The following C2CD2 variants were observed in gnomAD, a reference collection of about 807,000 sequenced individuals.
C2CD2 encodes C2 calcium dependent domain containing 2.
Under a neutral mutation model 74.3 loss-of-function variants are expected in C2CD2, and 43 were observed. The ratio of observed to expected loss-of-function variants is 0.58; its 90% CI spans 0.45 to 0.75. The LOEUF (loss-of-function observed/expected upper bound fraction) is 0.75, where lower values mean the gene tolerates loss of function less well. Among genes scored for constraint, C2CD2 ranks in the 30% least tolerant of loss-of-function variants. The pLI is 0.00. For synonymous variants in C2CD2, 422 were observed against 390.7 expected, an observed-to-expected ratio of 1.08 and a Z score of -0.94; for missense variants, 801 against 916.3, an observed-to-expected ratio of 0.87 and a Z score of 1.63.
intron 8 of C2CD2, chr21:41,908,364 T>C (rs2064989972): frequency 6.5e-6 from 1 of 152,908 alleles, no homozygotes; most frequent in African/African-American, 2.4e-5. Context: ...GAGTAAAGGT[T>C]ATGTGGCTGT....
At chr21:41,901,072 G>A (rs990504781) in intron 12 of C2CD2, 1 of 155,904 alleles carries the variant, frequency 6.4e-6, no homozygotes, top group Non-Finnish European at 1.4e-5. Context: ...CTTCACCTGA[G>A]GGGCTGGCCT....
At chr21:41,909,123 GTTTTGT>G (rs921843589) in intron 8 of C2CD2, among the ~76,000 whole-genome samples, 2 of 152,146 alleles carry the variant, frequency 1.3e-5, no homozygotes, top group African/African-American at 2.4e-5. Flanking sequence ...CAGTTAAAAG[GTTTTGT>G]TTTTGTTTTT....
chr21:41,902,260 C>A (rs1162438249), intron 11 of C2CD2, among the ~76,000 whole-genome samples: 2 of 152,168 alleles, frequency 1.3e-5, no homozygotes, highest in African/African-American at 4.8e-5. Context: ...CTCCTTTTCC[C>A]TCCCAAGAGT....
intron 10 of C2CD2, 28 bp downstream of exon 10, chr21:41,906,964 T>C (rs1013817331): frequency 8.1e-6 from 13 of 1,595,754 alleles, no homozygotes; most frequent in African/African-American, 8.1e-5. Context: ...ATGCAGAAAG[T>C]TCCTCGACTG....
chr21:41,918,285 A>G (rs1026930154), intron 4 of C2CD2, 58 bp from the exon 5 acceptor site: 3 of 1,585,322 alleles, frequency 1.9e-6, no homozygotes, highest in East Asian at 2.2e-5. Context: ...CCTGCTCCCA[A>G]TCTCACGTCT....
chr21:41,953,596 A>G lies in C2CD2; in HGVS notation c.53T>C (p.Leu18Pro), dbSNP rs541608765. The G allele has an allele frequency of 6.7e-7, 1 of 1,492,218 alleles. No individual in the cohort carries two copies. The highest frequency in any genetic ancestry group is 8.8e-7 in the Non-Finnish European group (1 of 1,130,336). 92.4% of individuals were successfully genotyped at this position (1,492,218 alleles called of 1,614,324 possible). A position where few individuals can be genotyped will look rare whatever the true frequency, so the allele number is the denominator to read the frequency against. The change falls in exon 1 of 14, where the codon CTG becomes CCG. Residue 18 changes from leucine to proline, a missense_variant. Transcript: ENST00000380486. ...SWLGEAQWLA[L>P]VSLFVAALAT... ...CAGGGCCGCGACGAAGAGCGACACC[A>G]GCGCGAGCCACTGCGCCTCCCCGAG...
At chr21:41,894,948 C>T (rs2839411) in intron 13 of C2CD2, 335,728 of 456,540 alleles carry the variant, frequency 0.74, 124,471 homozygotes, top group African/African-American at 0.82. Context: ...CCCACCTCCA[C>T]GAGCAACACC....
At chr21:41,912,252 C>T (rs2065033696) in intron 7 of C2CD2, 80 bp downstream of exon 7, 1 of 789,110 alleles carries the variant, frequency 1.3e-6, no homozygotes, top group East Asian at 2.7e-5. Context: ...CTAAACGGTG[C>T]TGCAGAATGA....
In C2CD2 at chr21:41,942,156, C is replaced by T. The variant is rs1006980539; in HGVS notation, c.369G>A (p.Ala123=). 40 of 1,549,430 alleles carry T rather than the reference C, an allele frequency of 2.6e-5. No homozygotes were observed. The highest frequency in any genetic ancestry group is 5.5e-5 in the African/African-American group (4 of 73,094). ...GGGCTCCTGGGCTCACCTTCTCCTC[C>T]GCCGACCTGAGCACGCTGGAGACCT... ...VQEVSSVLRS[A]EEKVVVCHVV... is the part of the protein sequence containing the mutation. The change falls in exon 2 of 14, where the codon GCG becomes GCA. Residue 123 remains alanine (A), a synonymous_variant. Coordinates refer to ENST00000380486, the MANE Select transcript of C2CD2 (RefSeq NM_015500.2).
rs528596022 is a variant in C2CD2, at chr21:41,895,881, C to T, written c.1870+3172G>A. Among the ~76,000 whole-genome samples, 2 of 152,228 alleles carry T rather than the reference C, an allele frequency of 1.3e-5. No individual in the cohort carries two copies. The highest frequency in any genetic ancestry group is 4.8e-5 in the African/African-American group (2 of 41,538). ...GCTTCCCAAGAACAGCATCGGATTTCAACTGGAACCACAGATGGTCCGTTG... is the reference window on the plus strand; with the variant it reads ...GCTTCCCAAGAACAGCATCGGATTTTAACTGGAACCACAGATGGTCCGTTG... On this transcript the variant is annotated intron_variant, in intron 13 of 13. Coordinates refer to ENST00000380486, the MANE Select transcript of C2CD2 (RefSeq NM_015500.2). The surrounding 1 kb of genome is among the most constrained non-coding windows in gnomAD (Gnocchi z 5.0).
chr21:41,921,856 AATG>A, intron 3 of C2CD2, 113 bp downstream of exon 3: 1 of 657,404 alleles, frequency 1.5e-6, no homozygotes, highest in Non-Finnish European at 2.7e-6. Context: ...TTATGACATG[AATG>A]ATAATTAATA....
At chr21:41,927,659 C>T (rs901365157) in intron 2 of C2CD2, among the ~76,000 whole-genome samples, 1 of 152,050 alleles carries the variant, frequency 6.6e-6, no homozygotes, top group South Asian at 2.1e-4. Flanking sequence ...TTAGTAGAGA[C>T]GGGGTTTCAC....
At chr21:41,948,998 G>A (rs1319724479) in intron 1 of C2CD2, among the ~76,000 whole-genome samples, 1 of 148,318 alleles carries the variant, frequency 6.7e-6, no homozygotes, top group African/African-American at 2.5e-5. Flanking sequence ...AAACAGCGTT[G>A]GGGACCCTCC....
At position 41,903,153 on chromosome 21, in the gene C2CD2, C is replaced by A. The variant is rs79664872; in HGVS notation, c.1433-1404G>T. ...GCGACTCCACGGAGATCAAAGCTCC[C>A]ACACTCAGGACCCTCCCAGACTGTG... On this transcript the variant is annotated intron_variant, in intron 11 of 13. Coordinates refer to ENST00000380486, the MANE Select transcript of C2CD2 (RefSeq NM_015500.2). This position sits in a 1 kb window ranked among gnomAD's most constrained non-coding sequence, Gnocchi z 4.5. 6.6e-6 allele frequency among the ~76,000 whole-genome samples: 1 copy of A among 152,204 alleles called. No homozygotes were observed. The highest frequency in any genetic ancestry group is 1.5e-5 in the Non-Finnish European group (1 of 68,046).
chr21:41,901,529 C>G, intron 12 of C2CD2, 93 bp downstream of exon 12: 1 of 1,326,188 alleles, frequency 7.5e-7, no homozygotes, highest in Non-Finnish European at 1.1e-6. Flanking sequence ...GGACGTTAAC[C>G]AAGTGCTTGG....
In C2CD2 at chr21:41,903,231, C is replaced by G. The variant is rs534594864; in HGVS notation, c.1433-1482G>C. ...TTTGTGTGATAATAAACTGGTAAAC[C>G]CAAGTAAAGTGTTTCTCTGAGTTCT... On this transcript the variant is annotated intron_variant, in intron 11 of 13. Coordinates refer to ENST00000380486, the MANE Select transcript of C2CD2 (RefSeq NM_015500.2). This position sits in a 1 kb window ranked among gnomAD's most constrained non-coding sequence, Gnocchi z 4.5. Among the ~76,000 whole-genome samples the G allele has an allele frequency of 1.1e-3, 172 of 152,216 alleles. No homozygotes were observed. Among genetic ancestry groups the G allele is most frequent in the Non-Finnish European group, 2.1e-3 (145 of 68,016 alleles).
At position 41,899,367 on chromosome 21, in the gene C2CD2, C is replaced by G; in HGVS notation, c.1561-5G>C. ...GTGGTCCTGAGATAGTGAGGTCTGT[C>G]AGGGGCAGTGGGGAAGATGACAAGG... is the stretch of plus-strand genomic sequence containing the variant. On this transcript the variant is annotated splice_region_variant and splice_polypyrimidine_tract_variant and intron_variant, in intron 12 of 13. Coordinates refer to ENST00000380486, the MANE Select transcript of C2CD2 (RefSeq NM_015500.2). The surrounding 1 kb of genome is among the most constrained non-coding windows in gnomAD (Gnocchi z 4.4). The G allele has an allele frequency of 1.2e-6, 2 of 1,602,794 alleles. No homozygotes were observed. Among genetic ancestry groups the G allele is most frequent in the South Asian group, 2.2e-5 (2 of 90,922 alleles).
At chr21:41,928,198 C>G (rs1462980481) in intron 2 of C2CD2, among the ~76,000 whole-genome samples, 6 of 152,340 alleles carry the variant, frequency 3.9e-5, no homozygotes, top group South Asian at 2.1e-4. Context: ...CTTGGCCACA[C>G]CAACCTCCTA....
intron 13 of C2CD2, among the ~76,000 whole-genome samples, chr21:41,891,352 C>G (rs1312489728): frequency 2.0e-5 from 3 of 152,238 alleles, no homozygotes; most frequent in Admixed American, 6.5e-5. Context: ...TCGTGAAAAA[C>G]CAGCCATCAG....
Sources: allele counts gnomAD v4.1 joint callset (sites outside exome capture counted in the v4.1 genomes callset), GRCh38; gene constraint gnomAD v4.1.1; non-coding constraint Gnocchi (gnomAD v3.1); transcripts MANE v1.5; gene names NCBI Gene and HGNC (gene_info 2026-07-23, HGNC 2026-07-21).